SSX2IP: variants seen among roughly 807,000 people sequenced by gnomAD.
SSX2IP encodes afadin- and alpha-actinin-binding protein.
A neutral mutation model predicts 84.9 loss-of-function variants in SSX2IP; 55 were observed. The ratio of observed to expected loss-of-function variants is 0.65; its 90% CI spans 0.52 to 0.81. The LOEUF (loss-of-function observed/expected upper bound fraction) is 0.81. Among genes scored for constraint, SSX2IP ranks in the 30% least tolerant of loss-of-function variants. The pLI is 0.00. For missense variants in SSX2IP, 664 were observed against 705.2 expected (o/e 0.94, Z 0.66); for synonymous variants, 239 against 234.7 (o/e 1.02, Z -0.17).
intron 8 of SSX2IP, among the ~76,000 whole-genome samples, chr1:84,661,418 T>C (rs866855262): frequency 1.3e-5 from 2 of 152,136 alleles, no homozygotes; most frequent in African/African-American, 2.4e-5. Context: ...CCATGTTTTT[T>C]TTTTTAACCT....
intron 4 of SSX2IP, among the ~76,000 whole-genome samples, chr1:84,668,150 A>C (rs1247899869): frequency 6.6e-6 from 1 of 152,182 alleles, no homozygotes; most frequent in Non-Finnish European, 1.5e-5. Context: ...ATCCTGAAGA[A>C]ACAGTCTCTG....
At chr1:84,680,666 T>TCAGTAGA (rs1184239658) in intron 1 of SSX2IP, among the ~76,000 whole-genome samples, 2 of 151,590 alleles carry the variant, frequency 1.3e-5, no homozygotes, top group Non-Finnish European at 2.9e-5. Context: ...AAAAAACAAA[T>TCAGTAGA]ATCAGTAGAT....
chr1:84,654,333 T>C (rs1650757326), intron 11 of SSX2IP, among the ~76,000 whole-genome samples: 1 of 152,076 alleles, frequency 6.6e-6, no homozygotes, highest in African/African-American at 2.4e-5. Context: ...ATCAGGCTTC[T>C]CATCAGTAAA....
chr1:84,670,740 CAT>C lies in SSX2IP; in HGVS notation c.117_118del (p.Cys40PhefsTer21). ...ATTTTTCGATAAAGGTATTGAAGAA[CAT>C]AGCACTTGCTGTGAGTATAAACTTG... On this transcript the variant is annotated frameshift_variant, in exon 3 of 14. Coordinates refer to ENST00000342203, the MANE Select transcript of SSX2IP (RefSeq NM_001166293.2). LOFTEE classifies it high-confidence loss of function. The C allele has an allele frequency of 6.2e-7, 1 of 1,613,082 alleles. No individual in the cohort carries two copies. Among genetic ancestry groups the C allele is most frequent in the Non-Finnish European group, 8.5e-7 (1 of 1,179,304 alleles).
At chr1:84,687,832 A>G (rs1570757788) in intron 1 of SSX2IP, among the ~76,000 whole-genome samples, 1 of 152,050 alleles carries the variant, frequency 6.6e-6, no homozygotes, top group Admixed American at 6.6e-5. Flanking sequence ...TGGCAACCCC[A>G]CCCTGGTCCA....
intron 1 of SSX2IP, among the ~76,000 whole-genome samples, chr1:84,672,213 CA>C (rs1230289969): frequency 1.1e-4 from 16 of 151,988 alleles, no homozygotes; most frequent in Admixed American, 5.9e-4. Context: ...ATTTCAAGGT[CA>C]GGGGGAAGAG....
At chr1:84,669,959 A>ACTTTCAGTTTGTAT (rs1553130579) in intron 3 of SSX2IP, 66 bp from the exon 4 acceptor site, 3 of 1,159,674 alleles carry the variant, frequency 2.6e-6, no homozygotes, top group African/African-American at 3.1e-5. Context: ...GAGGATACAA[A>ACTTTCAGTTTGTAT]CTTTCAGTTA....
Position 84,664,572 on chromosome 1 carries a change from T to G in SSX2IP, c.538-20A>C. 6.4e-7 allele frequency: 1 copy of G among 1,560,172 alleles called. No individual in the cohort carries two copies. ...TTGCACCTGAAAAAGGCATTTGCTA[T>G]TATAAGCCCAGTAACGATTCACAAA... is the stretch of plus-strand genomic sequence containing the variant. On this transcript the variant is annotated intron_variant, in intron 5 of 13. Transcript: ENST00000342203.
intron 11 of SSX2IP, among the ~76,000 whole-genome samples, chr1:84,653,464 CA>C (rs1650625867): frequency 6.6e-6 from 1 of 152,206 alleles, no homozygotes; most frequent in African/African-American, 2.4e-5. Context: ...TCCCATCCCT[CA>C]CTATGCCCAC....
intron 2 of SSX2IP, 138 bp downstream of exon 2, chr1:84,671,039 C>A: frequency 9.1e-7 from 1 of 1,100,216 alleles, no homozygotes. Flanking sequence ...TCTCAGTAGA[C>A]ATGAAAATAA....
intron 10 of SSX2IP, 44 bp downstream of exon 10, chr1:84,656,304 T>C: frequency 6.3e-7 from 1 of 1,589,382 alleles, no homozygotes. Context: ...AGCACAATTC[T>C]GGCTTTTCAT....
chr1:84,655,179 TA>T, intron 11 of SSX2IP: 1 of 303,424 alleles, frequency 3.3e-6, no homozygotes, highest in Non-Finnish European at 5.1e-6. Flanking sequence ...CATTAAAAGT[TA>T]AAATAGTACT....
Position 84,650,533 on chromosome 1 carries a change from G to C in SSX2IP, c.1505-6C>G. The C allele has an allele frequency of 6.2e-7, 1 of 1,614,048 alleles. No individual in the cohort carries two copies. Among genetic ancestry groups the C allele is most frequent in the Non-Finnish European group, 8.5e-7 (1 of 1,179,996 alleles). On this transcript the variant is annotated splice_polypyrimidine_tract_variant and splice_region_variant and intron_variant, in intron 12 of 13. Transcript: ENST00000342203. ...AAGATTGTCCCAATCAGAACCTGTT[G>C]TAAAACAAGTAAGAGAAAAAGGCAG...
In SSX2IP at chr1:84,645,425, T is replaced by TTA. The variant is rs1181342804; in HGVS notation, c.*2006_*2007dup. On this transcript the variant is annotated 3_prime_UTR_variant, in exon 14 of 14. Coordinates refer to ENST00000342203, the MANE Select transcript of SSX2IP (RefSeq NM_001166293.2). The stretch of plus-strand genomic sequence containing the variant: ...TTTACTCTGCTGTTTCTTTCACACT[T>TTA]TAGATTTTAAAAGTACGTCTCAAGG... 1 of 152,158 alleles carries TTA rather than the reference T, an allele frequency of 6.6e-6. No homozygotes were observed. Among genetic ancestry groups the TTA allele is most frequent in the East Asian group, 1.9e-4 (1 of 5,200 alleles). 9.4% of individuals were successfully genotyped at this position (152,158 alleles called of 1,614,324 possible).
At chr1:84,656,967 T>C (rs1446036722) in intron 9 of SSX2IP, among the ~76,000 whole-genome samples, 1 of 152,170 alleles carries the variant, frequency 6.6e-6, no homozygotes, top group Non-Finnish European at 1.5e-5. Flanking sequence ...AGTCCAAACA[T>C]ACTTGCTATT....
chr1:84,671,028 T>G (rs11591005), intron 2 of SSX2IP, 149 bp downstream of exon 2: 12,779 of 1,027,674 alleles, frequency 0.012, 112 homozygotes, highest in South Asian at 0.02. Flanking sequence ...TACAGTGGTG[T>G]TCTCAGTAGA....
At chr1:84,650,566 G>A (rs764153304) in intron 12 of SSX2IP, 39 bp from the exon 13 acceptor site, 4 of 1,607,060 alleles carry the variant, frequency 2.5e-6, no homozygotes, top group Non-Finnish European at 2.6e-6. Context: ...CAGTACATAT[G>A]GTGAGGCATT....
At chr1:84,661,299 C>A (rs7536572) in intron 8 of SSX2IP, among the ~76,000 whole-genome samples, 26,087 of 151,782 alleles carry the variant, frequency 0.17, 2,369 homozygotes, top group Middle Eastern at 0.26. Context: ...CTGAAACCTA[C>A]GATTTTAACT....
intron 1 of SSX2IP, among the ~76,000 whole-genome samples, chr1:84,686,328 G>T (rs999342632): frequency 6.6e-6 from 1 of 152,166 alleles, no homozygotes; most frequent in Non-Finnish European, 1.5e-5. Context: ...GTGAAGAACA[G>T]GTAAGAAATA....
Sources: gnomAD v4.1 joint callset for allele counts (sites outside exome capture counted in the v4.1 genomes callset) on GRCh38, gnomAD v4.1.1 for gene constraint, MANE v1.5 for transcripts, NCBI Gene and HGNC (gene_info 2026-07-23, HGNC 2026-07-21) for gene names.